THTPA: variants seen among roughly 807,000 people sequenced by gnomAD.
THTPA encodes thiamine triphosphatase.
A neutral mutation model predicts 16.5 loss-of-function variants in THTPA; 16 were observed. That is an observed-to-expected ratio of 0.97 (90% CI 0.66 to 1.47). The LOEUF is 1.47. Among genes scored for constraint, THTPA ranks in the 40% most tolerant of loss-of-function variants. The pLI, the probability that THTPA is intolerant of heterozygous loss-of-function variation, is 0.00. For synonymous variants in THTPA, 110 were observed against 115.5 expected (o/e 0.95, Z 0.30); for missense variants, 281 against 280.9 (o/e 1.00, Z 0.00).
chr14:23,557,033 CTG>C lies in THTPA; in HGVS notation c.278_279del (p.Cys93Ter). ...CGGAACCTACAATTGTGGCCCAACT[CTG>C]TAAGGTGCTGCGGGCTGACGGCCTG... ...TAEPTIVAQL[C>X]KVLRADGLGA... On this transcript the variant is annotated frameshift_variant, in exon 1 of 2. Transcript: ENST00000288014. LOFTEE classifies it high-confidence loss of function. The C allele has an allele frequency of 6.2e-7, 1 of 1,614,210 alleles. No individual in the cohort carries two copies.
the THTPA span, chr14:23,522,431 T>C: frequency 6.5e-7 from 1 of 1,536,356 alleles, no homozygotes; most frequent in Non-Finnish European, 8.7e-7. Flanking sequence ...TTCAGGAGGC[T>C]TTGGAGGTGC....
the THTPA span, chr14:23,526,468 G>A: frequency 6.5e-7 from 1 of 1,536,168 alleles, no homozygotes; most frequent in Non-Finnish European, 8.7e-7. Flanking sequence ...GCTCTGCAGA[G>A]CGGAGCTCCC....
the THTPA span, chr14:23,525,109 C>T: frequency 2.0e-6 from 3 of 1,536,200 alleles, no homozygotes; most frequent in African/African-American, 1.4e-5. This position sits in a 1 kb window ranked among gnomAD's most constrained non-coding sequence, Gnocchi z 5.9. Context: ...CAAAGAAAGA[C>T]TGCAGGGCTT....
the THTPA span, among the ~76,000 whole-genome samples, chr14:23,539,006 G>T: frequency 6.6e-6 from 1 of 152,254 alleles, no homozygotes; most frequent in Non-Finnish European, 1.5e-5. Flanking sequence ...GGGAGGCCTG[G>T]AGCCAAGGGA....
In THTPA at chr14:23,557,136, G is replaced by T; in HGVS notation, c.379G>T (p.Ala127Ser). 6.2e-7 allele frequency: 1 copy of T among 1,614,176 alleles called. No homozygotes were observed. Among genetic ancestry groups the T allele is most frequent in the East Asian group, 2.2e-5 (1 of 44,884 alleles). Residue 127 changes from alanine to serine, a missense_variant, in exon 1 of 2, where the codon GCC (alanine) becomes TCC (serine). Transcript: ENST00000288014. ...AGCTAGTTTTGTGACTAAGCGGAGT[G>T]CCTGGAAGCTGGTGCTCTTGGGAGC... is the stretch of plus-strand genomic sequence containing the variant. The part of the protein sequence containing the change: ...EVASFVTKRS[A>S]WKLVLLGADE...
chr14:23,527,607 A>C, the THTPA span: 1 of 1,536,652 alleles, frequency 6.5e-7, no homozygotes, highest in Non-Finnish European at 8.7e-7. Context: ...TACTCACTAC[A>C]AGCAGCAGCT....
chr14:23,526,197 T>G, the THTPA span: 1 of 1,536,354 alleles, frequency 6.5e-7, no homozygotes, highest in Non-Finnish European at 8.7e-7. Context: ...ACTGTGCACT[T>G]AAAGGGCTTG....
chr14:23,533,047 T>G, the THTPA span: 1 of 1,534,016 alleles, frequency 6.5e-7, no homozygotes, highest in Admixed American at 2.0e-5. This position sits in a 1 kb window ranked among gnomAD's most constrained non-coding sequence, Gnocchi z 4.8. Flanking sequence ...GGAGCTGACT[T>G]GGAGGCAGGT....
chr14:23,525,539 G>A, the THTPA span: 49 of 1,535,496 alleles, frequency 3.2e-5, no homozygotes, highest in East Asian at 9.8e-5. The surrounding 1 kb of genome is among the most constrained non-coding windows in gnomAD (Gnocchi z 5.9). Flanking sequence ...AGGTGGGGGT[G>A]GGGTAGGGGG....
At chr14:23,552,961 C>T (rs1176755073), upstream of THTPA, among the ~76,000 whole-genome samples, 2 of 152,190 alleles carry the variant, frequency 1.3e-5, no homozygotes, top group Non-Finnish European at 1.5e-5. Context: ...CAGTTCCAAG[C>T]ACTTTTACAT....
chr14:23,524,426 A>G, the THTPA span: 1 of 1,536,140 alleles, frequency 6.5e-7, no homozygotes, highest in East Asian at 2.4e-5. The surrounding 1 kb of genome is among the most constrained non-coding windows in gnomAD (Gnocchi z 5.6). Context: ...TGTGGGAGAC[A>G]AGCTGCCGTC....
At chr14:23,536,937 A>G in the THTPA span, among the ~76,000 whole-genome samples, 1 of 133,524 alleles carries the variant, frequency 7.5e-6, no homozygotes, top group African/African-American at 2.8e-5. Flanking sequence ...CAGGAGTTTG[A>G]GACTAGCCTG....
chr14:23,521,785 G>T, the THTPA span: 2 of 1,130,086 alleles, frequency 1.8e-6, no homozygotes, highest in Non-Finnish European at 2.4e-6. Context: ...TTGGGAGGAG[G>T]CAGGACTCTG....
chr14:23,536,336 C>T, the THTPA span, among the ~76,000 whole-genome samples: 2 of 152,124 alleles, frequency 1.3e-5, no homozygotes, highest in South Asian at 2.1e-4. Flanking sequence ...TTTTCCATAC[C>T]CTGACGAGGT....
Position 23,556,447 on chromosome 14 carries a change from G to T in THTPA, c.-311G>T. 21 of 364,314 alleles carry T rather than the reference G, an allele frequency of 5.8e-5. No individual in the cohort carries two copies. The highest frequency in any genetic ancestry group is 2.6e-4 in the South Asian group (7 of 26,502). 22.6% of individuals were successfully genotyped at this position (364,314 alleles called of 1,614,324 possible). A position where few individuals can be genotyped will look rare whatever the true frequency, so the allele number is the denominator to read the frequency against. ...GGGGTGGCAAGGTGTAGAGAGGGGG[G>T]CGTTGAAAGGACACCCGCTACCCGG... On this transcript the variant is annotated 5_prime_UTR_variant, in exon 1 of 2. Coordinates refer to ENST00000288014, the MANE Select transcript of THTPA (RefSeq NM_024328.6).
At chr14:23,544,693 A>C in the THTPA span, among the ~76,000 whole-genome samples, 1 of 152,178 alleles carries the variant, frequency 6.6e-6, no homozygotes, top group Non-Finnish European at 1.5e-5. Flanking sequence ...CCCAGCCCTA[A>C]TGAGTGTGAT....
chr14:23,527,612 G>T, the THTPA span: 2 of 1,536,662 alleles, frequency 1.3e-6, no homozygotes, highest in Non-Finnish European at 1.7e-6. Context: ...ACTACAAGCA[G>T]CAGCTTCTCA....
chr14:23,541,209 G>A, the THTPA span, among the ~76,000 whole-genome samples: 1 of 150,768 alleles, frequency 6.6e-6, no homozygotes, highest in African/African-American at 2.4e-5. Flanking sequence ...CCCGGCCTCT[G>A]TTCACCCCTT....
chr14:23,531,537 C>G, the THTPA span: 7 of 1,515,922 alleles, frequency 4.6e-6, no homozygotes, highest in Non-Finnish European at 6.2e-6. Flanking sequence ...AGCTGCGAGT[C>G]CTTCCTCAGT....
Sources: allele counts gnomAD v4.1 joint callset (sites outside exome capture counted in the v4.1 genomes callset), GRCh38; gene constraint gnomAD v4.1.1; non-coding constraint Gnocchi (gnomAD v3.1); transcripts MANE v1.5; gene names NCBI Gene and HGNC (gene_info 2026-07-23, HGNC 2026-07-21).